Variants in MRM3 observed in about 807,000 individuals in gnomAD.
The protein encoded by MRM3 is mitochondrial rRNA methyltransferase 3.
In MRM3, 26 loss-of-function variants were observed where a neutral mutation model predicts 29.4. The ratio of observed to expected loss-of-function variants is 0.89; its 90% CI spans 0.65 to 1.23. The LOEUF (loss-of-function observed/expected upper bound fraction) is 1.23. Among genes scored for constraint, MRM3 ranks in the 50% most tolerant of loss-of-function variants. MRM3 has a pLI of 0.00. For missense variants in MRM3, 578 were observed against 540.2 expected (o/e 1.07, Z -0.69); for synonymous variants, 225 against 219.0 (o/e 1.03, Z -0.24).
In MRM3 at chr17:792,185, T is replaced by C. The variant is rs958580072; in HGVS notation, c.*116T>C. 7.1e-5 allele frequency: 72 copies of C among 1,016,086 alleles called. No individual in the cohort carries two copies. Among genetic ancestry groups the C allele is most frequent in the Non-Finnish European group, 8.7e-5 (60 of 693,370 alleles). The allele number at this position is 1,016,086 out of a possible 1,614,324, so 62.9% of individuals were successfully genotyped here. On this transcript the variant is annotated 3_prime_UTR_variant, in exon 4 of 4. Transcript: ENST00000304478. ...CCCCACGTTCAGGAGGAAGGTGTGATGCCGTCATACAGTTACAGGAAAAAT... is the reference window on the plus strand; with the variant it reads ...CCCCACGTTCAGGAGGAAGGTGTGACGCCGTCATACAGTTACAGGAAAAAT...
Position 788,125 on chromosome 17 carries a change from C to T in MRM3, c.720C>T (p.Leu240=), listed in dbSNP as rs568852875. The T allele has an allele frequency of 3.7e-6, 6 of 1,614,098 alleles. No individual in the cohort carries two copies. Among genetic ancestry groups the T allele is most frequent in the East Asian group, 4.5e-5 (2 of 44,890 alleles). ...GGGCAGGCTGCAGCAAAGTGTTACT[C>T]ACCAAAGGTAAGGACATCAAAGGCC... ...AAGAGCSKVL[L]TKGCVDAWEP... The change falls in exon 3 of 4, where the codon CTC becomes CTT. Residue 240 remains leucine (L), a synonymous_variant. Coordinates refer to ENST00000304478, the MANE Select transcript of MRM3 (RefSeq NM_018146.4).
chr17:788,710 T>C (rs886280460), intron 3 of MRM3, among the ~76,000 whole-genome samples: 1 of 151,850 alleles, frequency 6.6e-6, no homozygotes, highest in Non-Finnish European at 1.5e-5. Flanking sequence ...CCCTGAGCAG[T>C]AGCTGGAATG....
In MRM3 at chr17:791,918, A is replaced by T; in HGVS notation, c.1112A>T (p.Glu371Val). The T allele has an allele frequency of 6.2e-7, 1 of 1,613,990 alleles. No homozygotes were observed. The highest frequency in any genetic ancestry group is 8.5e-7 in the Non-Finnish European group (1 of 1,180,030). ...AGCCTGGAGTCCCTGCAGCTGGCCG[A>T]GAGCACTGGTGGCAAGAGGCTGCTG... ...GVSLESLQLA[E>V]STGGKRLLIP... The change falls in exon 4 of 4, where the codon GAG (glutamate) becomes GTG (valine). Residue 371 changes from glutamate to valine, a missense_variant. Coordinates refer to ENST00000304478, the MANE Select transcript of MRM3 (RefSeq NM_018146.4).
chr17:792,505 CGTTA>C (rs1191017408), exon 4 of MRM3: 23 of 168,262 alleles, frequency 1.4e-4, no homozygotes, highest in Admixed American at 5.5e-4. Flanking sequence ...CAGCAGATTA[CGTTA>C]GTAAGTTGTT....
intron 2 of MRM3, among the ~76,000 whole-genome samples, chr17:786,390 C>T (rs1031236378): frequency 6.6e-6 from 1 of 152,256 alleles, no homozygotes; most frequent in African/African-American, 2.4e-5. Flanking sequence ...TCTCCTGCCT[C>T]AGCCTCCCGA....
In MRM3 at chr17:787,057, A is replaced by G. The variant is rs1910566280; in HGVS notation, c.560-908A>G. Among the ~76,000 whole-genome samples the G allele has an allele frequency of 6.6e-6, 1 of 152,196 alleles. No individual in the cohort carries two copies. Among genetic ancestry groups the G allele is most frequent in the African/African-American group, 2.4e-5 (1 of 41,454 alleles). On this transcript the variant is annotated intron_variant, in intron 2 of 3. Coordinates refer to ENST00000304478, the MANE Select transcript of MRM3 (RefSeq NM_018146.4). This position sits in a 1 kb window ranked among gnomAD's most constrained non-coding sequence, Gnocchi z 4.1. ...CAGGAGTTCGAGACCAGCCTGGCCA[A>G]CATGGCAAAATCCCGTCTCTATTAA...
At chr17:786,861 C>T (rs1050815468) in intron 2 of MRM3, among the ~76,000 whole-genome samples, 5 of 152,096 alleles carry the variant, frequency 3.3e-5, no homozygotes, top group African/African-American at 1.2e-4. Flanking sequence ...ACAGGGATAC[C>T]CATTGCAGCA....
At position 791,802 on chromosome 17, in the gene MRM3, T is replaced by C. The variant is rs764432752; in HGVS notation, c.996T>C (p.Asp332=). ...EEDVETGASQ[D]WLPHVEVQSY... Reference sequence around the variant, plus strand: ...ATGTAGAAACCGGAGCCAGTCAAGATTGGCTGCCTCATGTTGAGGTTCAGA... The same window carrying C: ...ATGTAGAAACCGGAGCCAGTCAAGACTGGCTGCCTCATGTTGAGGTTCAGA... The change falls in exon 4 of 4, where the codon GAT becomes GAC. Residue 332 remains aspartate, a synonymous_variant. Transcript: ENST00000304478. 2 of 1,614,214 alleles carry C rather than the reference T, an allele frequency of 1.2e-6. No individual in the cohort carries two copies. Among genetic ancestry groups the C allele is most frequent in the Non-Finnish European group, 1.7e-6 (2 of 1,180,046 alleles).
chr17:787,040 C>T lies in MRM3; in HGVS notation c.560-925C>T, dbSNP rs571297562. Among the ~76,000 whole-genome samples, 8 of 152,054 alleles carry T rather than the reference C, an allele frequency of 5.3e-5. No individual in the cohort carries two copies. Among genetic ancestry groups the T allele is most frequent in the African/African-American group, 1.4e-4 (6 of 41,400 alleles). On this transcript the variant is annotated intron_variant, in intron 2 of 3. Coordinates refer to ENST00000304478, the MANE Select transcript of MRM3 (RefSeq NM_018146.4). The surrounding 1 kb of genome is among the most constrained non-coding windows in gnomAD (Gnocchi z 4.1). ...GGTGGATCACCTGAGGTCAGGAGTT[C>T]GAGACCAGCCTGGCCAACATGGCAA...
intron 1 of MRM3, 76 bp from the exon 2 acceptor site, chr17:783,007 T>G: frequency 6.6e-7 from 1 of 1,526,236 alleles, no homozygotes; most frequent in Non-Finnish European, 8.8e-7. Context: ...GCTCTTTATT[T>G]CTGTTACAAC....
Position 782,639 on chromosome 17 carries a change from G to A in MRM3, c.261G>A (p.Trp87Ter). The A allele has an allele frequency of 6.2e-7, 1 of 1,613,616 alleles. No homozygotes were observed. The highest frequency in any genetic ancestry group is 8.5e-7 in the Non-Finnish European group (1 of 1,179,746). The change falls in exon 1 of 4, where the codon TGG (tryptophan) becomes TGA (stop). Residue 87 changes from tryptophan to a stop codon, truncating the protein, a stop_gained. Coordinates refer to ENST00000304478, the MANE Select transcript of MRM3 (RefSeq NM_018146.4). LOFTEE classifies it high-confidence loss of function. The stretch of plus-strand genomic sequence containing the variant: ...CCGCATCCCGCGCTCCCAGCACCTG[G>A]GAAGAGTCTGGGCTTCGCTACGATA... ...EESASRAPST[W>*]EESGLRYDKA...
rs1357444980 is a variant in MRM3 at position 783,238 on chromosome 17, T to A, written c.470T>A (p.Val157Asp). The change falls in exon 2 of 4, where the codon GTC becomes GAC. Residue 157 changes from valine to aspartate, a missense_variant. Physicochemically the swap from Val to Asp is radical, Grantham distance 152. Transcript: ENST00000304478. ...SRLEYLKELPVDKLKGVSLIK... is the reference protein window; with the variant it reads ...SRLEYLKELPDDKLKGVSLIK... ...CTAGAATACCTAAAGGAGTTGCCAG[T>A]CGATAAGCTGAAAGGTGTCAGCCTC... 9 of 1,614,084 alleles carry A rather than the reference T, an allele frequency of 5.6e-6. No homozygotes were observed. In the South Asian group the frequency reaches 9.9e-5, roughly 18 times the overall value.
At chr17:785,363 T>A (rs1426153031) in intron 2 of MRM3, among the ~76,000 whole-genome samples, 1 of 152,082 alleles carries the variant, frequency 6.6e-6, no homozygotes, top group Non-Finnish European at 1.5e-5. Context: ...ATTCTTTCCA[T>A]AAAACTTTAG....
rs781747116 is a variant in MRM3 at position 786,099 on chromosome 17, T to G, written c.560-1866T>G. Reference sequence around the variant, plus strand: ...AGGGTTTGAGCTGGAAAACAGGTTTTGTTTTGTTTTGTTTTTTGTTTTTGA... The same window carrying G: ...AGGGTTTGAGCTGGAAAACAGGTTTGGTTTTGTTTTGTTTTTTGTTTTTGA... On this transcript the variant is annotated intron_variant, in intron 2 of 3. Transcript: ENST00000304478. Among the ~76,000 whole-genome samples, 11 of 152,172 alleles carry G rather than the reference T, an allele frequency of 7.2e-5. No individual in the cohort carries two copies. In the East Asian group the frequency reaches 1.9e-3, roughly 27 times the overall value.
chr17:791,916 C>T lies in MRM3; in HGVS notation c.1110C>T (p.Ala370=), dbSNP rs1273497464. Residue 370 remains alanine, a synonymous_variant, in exon 4 of 4, where the codon GCC becomes GCT. Transcript: ENST00000304478. ...TGAGCCTGGAGTCCCTGCAGCTGGC[C>T]GAGAGCACTGGTGGCAAGAGGCTGC... ...YGVSLESLQL[A]ESTGGKRLLI... is the part of the protein sequence containing the mutation. 3.7e-6 allele frequency: 6 copies of T among 1,613,854 alleles called. No individual in the cohort carries two copies. Among genetic ancestry groups the T allele is most frequent in the South Asian group, 2.2e-5 (2 of 91,090 alleles).
chr17:791,765 A>C lies in MRM3; in HGVS notation c.959A>C (p.Glu320Ala). The C allele has an allele frequency of 6.2e-7, 1 of 1,614,188 alleles. No homozygotes were observed. Among genetic ancestry groups the C allele is most frequent in the South Asian group, 1.1e-5 (1 of 91,092 alleles). Residue 320 changes from glutamate to alanine, a missense_variant, in exon 4 of 4, where the codon GAG becomes GCG. Transcript: ENST00000304478. ...DQRVMKFHKY[E>A]EEEDVETGAS... is the part of the protein sequence containing the mutation. ...CGAGTGATGAAGTTTCACAAGTATG[A>C]GGAAGAGGAAGATGTAGAAACCGGA...
chr17:785,677 C>G (rs961509761), intron 2 of MRM3, among the ~76,000 whole-genome samples: 3 of 152,196 alleles, frequency 2.0e-5, no homozygotes, highest in African/African-American at 7.2e-5. Context: ...GAGTATGTCC[C>G]TAAGACAGTG....
At chr17:790,969 C>T (rs910126416) in intron 3 of MRM3, among the ~76,000 whole-genome samples, 1 of 143,444 alleles carries the variant, frequency 7.0e-6, no homozygotes, top group Non-Finnish European at 1.5e-5. Context: ...ACACCCCCAC[C>T]GGCTGATTGG....
At chr17:788,663 T>G (rs1027234025) in intron 3 of MRM3, among the ~76,000 whole-genome samples, 1 of 151,464 alleles carries the variant, frequency 6.6e-6, no homozygotes, top group Non-Finnish European at 1.5e-5. Context: ...CAGGCAGACA[T>G]GCATTGGATC....
Sources: allele counts gnomAD v4.1 joint callset (sites outside exome capture counted in the v4.1 genomes callset), GRCh38; gene constraint gnomAD v4.1.1; non-coding constraint Gnocchi (gnomAD v3.1); transcripts MANE v1.5; gene names NCBI Gene and HGNC (gene_info 2026-07-23, HGNC 2026-07-21).